The following RBM22 variants were observed in gnomAD, a reference collection of about 807,000 sequenced individuals.
The protein encoded by RBM22 is RNA binding motif protein 22.
RBM22 carries 1 observed loss-of-function variant against 50.1 expected under a neutral mutation model. That is an observed-to-expected ratio of 0.02 (90% CI 0.01 to 0.09). The LOEUF (loss-of-function observed/expected upper bound fraction) is 0.09, where lower values mean the gene tolerates loss of function less well. RBM22 is among the 10% of genes least tolerant of loss of function. RBM22 has a pLI of 1.00. For missense variants in RBM22, 264 were observed against 529.3 expected (o/e 0.50, Z 4.92); for synonymous variants, 152 against 179.0 (o/e 0.85, Z 1.20).
chr5:150,696,008 A>G lies in RBM22; in HGVS notation c.546-302T>C, dbSNP rs1019830195. Among the ~76,000 whole-genome samples the G allele has an allele frequency of 6.7e-6, 1 of 149,356 alleles. No homozygotes were observed. Among genetic ancestry groups the G allele is most frequent in the African/African-American group, 2.5e-5 (1 of 40,284 alleles). Reference sequence around the variant, plus strand: ...CCTCCCGCCCCCCAGAAAGGGACACATGATTACCCCTCTCTAGGTCAATGA... The same window carrying G: ...CCTCCCGCCCCCCAGAAAGGGACACGTGATTACCCCTCTCTAGGTCAATGA... On this transcript the variant is annotated intron_variant, in intron 6 of 10. Coordinates refer to ENST00000199814, the MANE Select transcript of RBM22 (RefSeq NM_018047.3). This position sits in a 1 kb window ranked among gnomAD's most constrained non-coding sequence, Gnocchi z 4.3.
chr5:150,700,753 C>A, intron 1 of RBM22, 179 bp downstream of exon 1: 1 of 1,542,928 alleles, frequency 6.5e-7, no homozygotes, highest in Admixed American at 2.0e-5. Context: ...CCTGGCTAAG[C>A]CCCCTCCCTT....
chr5:150,694,399 A>T, intron 7 of RBM22, 159 bp from the exon 8 acceptor site: 1 of 1,157,824 alleles, frequency 8.6e-7, no homozygotes. Flanking sequence ...ATCTTGTCCT[A>T]CTGTGGGTGC....
intron 2 of RBM22, 44 bp from the exon 3 acceptor site, chr5:150,699,315 A>G: frequency 6.5e-7 from 1 of 1,537,514 alleles, no homozygotes; most frequent in Non-Finnish European, 8.7e-7. Flanking sequence ...TTACAGAAAG[A>G]AAAAAGCCAG....
At position 150,695,201 on chromosome 5, in the gene RBM22, G is replaced by T. The variant is rs185922773; in HGVS notation, c.746+305C>A. 666 of 255,240 alleles carry T rather than the reference G, an allele frequency of 2.6e-3. 1 individual carries two copies. Among genetic ancestry groups the T allele is most frequent in the Admixed American group, 5.6e-3 (113 of 20,068 alleles). The allele number at this position is 255,240 out of a possible 1,614,324, so 15.8% of individuals were successfully genotyped here. On this transcript the variant is annotated intron_variant, in intron 7 of 10. Coordinates refer to ENST00000199814, the MANE Select transcript of RBM22 (RefSeq NM_018047.3). ...GCCACCACACCCGGCTAATTTTTTTGATTTCTTAGTAGAGATGTGGTCTCA... is the reference window on the plus strand; with the variant it reads ...GCCACCACACCCGGCTAATTTTTTTTATTTCTTAGTAGAGATGTGGTCTCA...
intron 10 of RBM22, 112 bp from the exon 11 acceptor site, chr5:150,691,993 G>A (rs1006333744): frequency 5.9e-6 from 7 of 1,188,802 alleles, no homozygotes; most frequent in Admixed American, 6.6e-5. Flanking sequence ...AGGTTGACAC[G>A]GGGCTTAAGC....
At position 150,696,263 on chromosome 5, in the gene RBM22, T is replaced by C. The variant is rs1400151899; in HGVS notation, c.545+270A>G. On this transcript the variant is annotated intron_variant, in intron 6 of 10. Transcript: ENST00000199814. This position sits in a 1 kb window ranked among gnomAD's most constrained non-coding sequence, Gnocchi z 4.3. The stretch of plus-strand genomic sequence containing the variant: ...ATTGAGAGTCAACTCATTTAAACCA[T>C]GGCAGTGAAGATTTACTTCTCAGGC... Among the ~76,000 whole-genome samples the C allele has an allele frequency of 1.3e-5, 2 of 152,208 alleles. No homozygotes were observed. The highest frequency in any genetic ancestry group is 6.5e-5 in the Admixed American group (1 of 15,284).
Position 150,695,482 on chromosome 5 carries a change from ACTCT to A in RBM22, c.746+20_746+23del. 3 of 1,563,210 alleles carry A rather than the reference ACTCT, an allele frequency of 1.9e-6. No individual in the cohort carries two copies. The highest frequency in any genetic ancestry group is 1.1e-5 in the South Asian group (1 of 87,280). On this transcript the variant is annotated intron_variant, in intron 7 of 10. Coordinates refer to ENST00000199814, the MANE Select transcript of RBM22 (RefSeq NM_018047.3). ...TCCAGGGCAGTTAAAGGCAAAAATA[ACTCT>A]CTAACTTATACCCACAAACCTTAAA...
intron 2 of RBM22, 137 bp from the exon 3 acceptor site, chr5:150,699,408 A>C: frequency 8.6e-7 from 1 of 1,160,108 alleles, no homozygotes; most frequent in Non-Finnish European, 1.2e-6. Context: ...CAGCAACAAC[A>C]AAACCCAAAA....
At chr5:150,700,154 A>G (rs1245648271) in intron 2 of RBM22, among the ~76,000 whole-genome samples, 2 of 152,200 alleles carry the variant, frequency 1.3e-5, no homozygotes, top group African/African-American at 4.8e-5. Flanking sequence ...TCCCAGCTCC[A>G]TTCCTTACTA....
At chr5:150,694,816 A>G (rs1371957269) in intron 7 of RBM22, 3 of 152,602 alleles carry the variant, frequency 2.0e-5, no homozygotes, top group African/African-American at 7.2e-5. Context: ...TCATCTAGCC[A>G]AGCATAATAC....
chr5:150,693,339 C>G, intron 8 of RBM22, 32 bp from the exon 9 acceptor site: 1 of 1,540,600 alleles, frequency 6.5e-7, no homozygotes, highest in Non-Finnish European at 8.9e-7. Flanking sequence ...AGTCGGCACT[C>G]TGGCCCACCT....
intron 3 of RBM22, 72 bp from the exon 4 acceptor site, chr5:150,698,703 G>A (rs1397315192): frequency 1.2e-5 from 18 of 1,540,024 alleles, no homozygotes; most frequent in Admixed American, 4.0e-5. Context: ...TGATAACAAC[G>A]GGGCATTCAA....
intron 3 of RBM22, among the ~76,000 whole-genome samples, chr5:150,698,993 T>C (rs1467567292): frequency 6.6e-6 from 1 of 152,194 alleles, no homozygotes; most frequent in East Asian, 1.9e-4. Context: ...TGGACAGTCA[T>C]ACACCACCTG....
chr5:150,694,418 G>C, intron 7 of RBM22, 178 bp from the exon 8 acceptor site: 1 of 993,292 alleles, frequency 1.0e-6, no homozygotes, highest in South Asian at 2.5e-5. Flanking sequence ...GCTGCTGATT[G>C]AGAGAAGGAA....
chr5:150,693,389 G>A, intron 8 of RBM22, 82 bp from the exon 9 acceptor site: 1 of 1,099,604 alleles, frequency 9.1e-7, no homozygotes, highest in Non-Finnish European at 1.4e-6. Context: ...CAGTCCAATG[G>A]AGTTCCTTCG....
In RBM22 at chr5:150,696,520, G is replaced by C. The variant is rs763551804; in HGVS notation, c.545+13C>G. The C allele has an allele frequency of 6.9e-6, 11 of 1,602,354 alleles. No homozygotes were observed. The highest frequency in any genetic ancestry group is 6.8e-5 in the Admixed American group (4 of 58,870). On this transcript the variant is annotated intron_variant, in intron 6 of 10. Transcript: ENST00000199814. This position sits in a 1 kb window ranked among gnomAD's most constrained non-coding sequence, Gnocchi z 4.3. Reference sequence around the variant, plus strand: ...ATCTGAAAGCAAATACTGAAAATGAGGCTCGCTCTTGCCTGTATGGACATT... The same window carrying C: ...ATCTGAAAGCAAATACTGAAAATGACGCTCGCTCTTGCCTGTATGGACATT...
chr5:150,693,599 T>TATA, intron 8 of RBM22, among the ~76,000 whole-genome samples: 1 of 152,240 alleles, frequency 6.6e-6, no homozygotes, highest in African/African-American at 2.4e-5. Flanking sequence ...ATGCTGCTAT[T>TATA]AGCCATCACT....
chr5:150,699,379 C>A, intron 2 of RBM22, 108 bp from the exon 3 acceptor site: 1 of 1,397,846 alleles, frequency 7.2e-7, no homozygotes, highest in Non-Finnish European at 9.4e-7. Context: ...AAATCCCTGG[C>A]ATCCTAGAGA....
chr5:150,699,119 C>T, intron 3 of RBM22, 123 bp downstream of exon 3: 2 of 1,305,138 alleles, frequency 1.5e-6, no homozygotes, highest in Non-Finnish European at 2.1e-6. Context: ...ATCAGTAATA[C>T]ATAAAAAGTT....
Sources: allele counts gnomAD v4.1 joint callset (sites outside exome capture counted in the v4.1 genomes callset), GRCh38; gene constraint gnomAD v4.1.1; non-coding constraint Gnocchi (gnomAD v3.1); transcripts MANE v1.5; gene names NCBI Gene and HGNC (gene_info 2026-07-23, HGNC 2026-07-21).